The following HIP1 variants were observed in gnomAD, a reference collection of about 807,000 sequenced individuals.
HIP1 encodes huntingtin-interacting protein 1.
In HIP1, 65 loss-of-function variants were observed where a neutral mutation model predicts 147.6. The ratio of observed to expected loss-of-function variants is 0.44; its 90% CI spans 0.36 to 0.54. HIP1 has a LOEUF of 0.54. Ranked by LOEUF, HIP1 falls within the 20% of genes least tolerant of loss-of-function variation. The pLI is 0.00. For synonymous variants in HIP1, 479 were observed against 504.0 expected (o/e 0.95, Z 0.67); for missense variants, 1,061 against 1,299.6 (o/e 0.82, Z 2.82).
chr7:75,715,774 CAAAAAAA>C (rs34769081), intron 1 of HIP1, among the ~76,000 whole-genome samples: 9 of 36,714 alleles, frequency 2.5e-4, no homozygotes, highest in South Asian at 1.7e-3. Context: ...GATCCTGTCT[CAAAAAAA>C]AAAAAAAAAA....
At chr7:75,709,538 C>T (rs1291109409) in intron 1 of HIP1, among the ~76,000 whole-genome samples, 1 of 152,178 alleles carries the variant, frequency 6.6e-6, no homozygotes, top group African/African-American at 2.4e-5. Flanking sequence ...TACCTTGCTA[C>T]TTTGCTGAAT....
intron 1 of HIP1, among the ~76,000 whole-genome samples, chr7:75,705,013 TA>T (rs781989626): frequency 8.5e-5 from 13 of 152,218 alleles, no homozygotes; most frequent in Non-Finnish European, 1.9e-4. Flanking sequence ...TAAGTTGTGG[TA>T]AAATACACGT....
Position 75,568,284 on chromosome 7 carries a change from G to A in HIP1, c.746-28C>T, listed in dbSNP as rs1554495949. 6.5e-6 allele frequency: 10 copies of A among 1,539,648 alleles called. No individual in the cohort carries two copies. The highest frequency in any genetic ancestry group is 9.0e-6 in the Non-Finnish European group (10 of 1,112,146). ...GGAAGAAATTGGAAAGAGTGTGAGAGGGGAGGGGGACCAGAGGGCAGGGAA... is the reference window on the plus strand; with the variant it reads ...GGAAGAAATTGGAAAGAGTGTGAGAAGGGAGGGGGACCAGAGGGCAGGGAA... On this transcript the variant is annotated intron_variant, in intron 8 of 30. Transcript: ENST00000336926. This position sits in a 1 kb window ranked among gnomAD's most constrained non-coding sequence, Gnocchi z 4.1.
chr7:75,716,754 T>C (rs1801334614), intron 1 of HIP1, among the ~76,000 whole-genome samples: 1 of 151,068 alleles, frequency 6.6e-6, no homozygotes, highest in Admixed American at 6.6e-5. Context: ...TCTCCTGACC[T>C]TGTGATCTGC....
In HIP1 at chr7:75,592,041, C is replaced by T. The variant is rs1323191130; in HGVS notation, c.384+15G>A. 1.9e-6 allele frequency: 3 copies of T among 1,610,638 alleles called. No individual in the cohort carries two copies. The highest frequency in any genetic ancestry group is 1.7e-5 in the Admixed American group (1 of 59,994). On this transcript the variant is annotated intron_variant, in intron 4 of 30. Coordinates refer to ENST00000336926, the MANE Select transcript of HIP1 (RefSeq NM_005338.7). ...AGGAGAAGCAGGTGGCTCCTGAGTA[C>T]ATCTCCAAACTCACCCACATCCTGC...
At chr7:75,713,750 G>T (rs1801228522) in intron 1 of HIP1, among the ~76,000 whole-genome samples, 1 of 151,326 alleles carries the variant, frequency 6.6e-6, no homozygotes, top group Non-Finnish European at 1.5e-5. Flanking sequence ...AGGCTGGAGT[G>T]CAGTGGCATG....
intron 1 of HIP1, among the ~76,000 whole-genome samples, chr7:75,677,827 AAAAC>A (rs367968819): frequency 2.0e-5 from 3 of 151,950 alleles, no homozygotes; most frequent in East Asian, 2.0e-4. Context: ...CCTCTGCCTG[AAAAC>A]AAACAAACAA....
chr7:75,598,228 TC>T (rs587650900), intron 2 of HIP1, among the ~76,000 whole-genome samples: 100 of 151,962 alleles, frequency 6.6e-4, no homozygotes, highest in African/African-American at 2.3e-3. Context: ...AAAACCCCGG[TC>T]CTACTAAAAT....
At chr7:75,669,501 G>A (rs1251041565) in intron 1 of HIP1, among the ~76,000 whole-genome samples, 6 of 152,176 alleles carry the variant, frequency 3.9e-5, no homozygotes, top group Non-Finnish European at 7.3e-5. Context: ...GGCAGAGGTT[G>A]CAGTCAGCCA....
At chr7:75,618,567 A>G (rs1554506495) in intron 1 of HIP1, among the ~76,000 whole-genome samples, 1 of 152,064 alleles carries the variant, frequency 6.6e-6, no homozygotes, top group African/African-American at 2.4e-5. Flanking sequence ...GATTACAGGC[A>G]TGAGCCACCG....
intron 1 of HIP1, among the ~76,000 whole-genome samples, chr7:75,603,912 G>A (rs1279152092): frequency 6.6e-6 from 1 of 151,828 alleles, no homozygotes; most frequent in Non-Finnish European, 1.5e-5. Context: ...AGTAAGAAGT[G>A]AAAAGTTCAT....
rs1365635704 is a variant in HIP1 at position 75,714,578 on chromosome 7, G to A, written c.120+24223C>T. 1.1e-3 allele frequency among the ~76,000 whole-genome samples: 171 copies of A among 149,534 alleles called. 1 individual carries two copies. Among genetic ancestry groups the A allele is most frequent in the Non-Finnish European group, 2.4e-4 (16 of 67,364 alleles). ...AGCAATTCTCCTGCCTCAGCCTCCC[G>A]AGTAGCTGGGATTACAGGGGTGTGC... On this transcript the variant is annotated intron_variant, in intron 1 of 30. Coordinates refer to ENST00000336926, the MANE Select transcript of HIP1 (RefSeq NM_005338.7).
chr7:75,547,082 A>T, intron 24 of HIP1, 50 bp from the exon 25 acceptor site: 1 of 1,439,134 alleles, frequency 6.9e-7, no homozygotes, highest in Non-Finnish European at 9.6e-7. Context: ...TCCAAGATCA[A>T]TGAACACGAC....
intron 8 of HIP1, 150 bp downstream of exon 8, chr7:75,573,611 C>G: frequency 1.3e-6 from 1 of 762,252 alleles, no homozygotes; most frequent in Non-Finnish European, 2.1e-6. Flanking sequence ...CTTTTATCCT[C>G]ACAATGGTCA....
At chr7:75,718,754 A>G (rs1326521817) in intron 1 of HIP1, among the ~76,000 whole-genome samples, 1 of 152,096 alleles carries the variant, frequency 6.6e-6, no homozygotes, top group Non-Finnish European at 1.5e-5. Context: ...AAACACACAG[A>G]TTGCTCCAAG....
chr7:75,553,401 C>T, intron 22 of HIP1, 52 bp downstream of exon 22: 1 of 1,591,296 alleles, frequency 6.3e-7, no homozygotes. Flanking sequence ...CATTCACCAG[C>T]ACGCACACCC....
intron 1 of HIP1, among the ~76,000 whole-genome samples, chr7:75,700,140 C>G (rs1324610290): frequency 6.6e-6 from 1 of 152,178 alleles, no homozygotes; most frequent in African/African-American, 2.4e-5. Context: ...CATGAGCCAC[C>G]GTGCCTGGCC....
chr7:75,623,558 T>G (rs1554507544), intron 1 of HIP1, among the ~76,000 whole-genome samples: 1 of 152,134 alleles, frequency 6.6e-6, no homozygotes, highest in African/African-American at 2.4e-5. Context: ...TCGTCTCTCT[T>G]CACAGTGAAA....
intron 1 of HIP1, among the ~76,000 whole-genome samples, chr7:75,711,908 A>C (rs1801176674): frequency 1.3e-5 from 2 of 152,170 alleles, no homozygotes. Flanking sequence ...AGCTCTCATA[A>C]TGCCTCCCTC....
Sources: allele counts gnomAD v4.1 joint callset (sites outside exome capture counted in the v4.1 genomes callset), GRCh38; gene constraint gnomAD v4.1.1; non-coding constraint Gnocchi (gnomAD v3.1); transcripts MANE v1.5; gene names NCBI Gene and HGNC (gene_info 2026-07-23, HGNC 2026-07-21).